SS18: variants seen among roughly 807,000 people sequenced by gnomAD.
SS18 encodes the protein SS18 subunit of BAF chromatin remodeling complex.
Under a neutral mutation model 72.5 loss-of-function variants are expected in SS18, and 28 were observed. The observed-to-expected ratio is 0.39, with a 90% confidence interval of 0.29 to 0.53. SS18 has a LOEUF of 0.53. SS18 is among the 20% of genes least tolerant of loss of function. The pLI is 0.76. For missense variants in SS18, 518 were observed against 535.3 expected, an observed-to-expected ratio of 0.97 and a Z score of 0.32; for synonymous variants, 172 against 164.2, an observed-to-expected ratio of 1.05 and a Z score of -0.37.
At chr18:26,071,991 G>T (rs1318761259) in intron 3 of SS18, among the ~76,000 whole-genome samples, 1 of 152,074 alleles carries the variant, frequency 6.6e-6, no homozygotes, top group Non-Finnish European at 1.5e-5. Context: ...AAGCTAGAAG[G>T]TCATAAATGA....
intron 10 of SS18, among the ~76,000 whole-genome samples, chr18:26,020,582 T>C (rs979656902): frequency 3.9e-5 from 6 of 152,192 alleles, no homozygotes; most frequent in African/African-American, 1.4e-4. Context: ...ATAAATTATA[T>C]CCAAGCAACT....
At chr18:26,073,842 C>A (rs1020674740) in intron 3 of SS18, among the ~76,000 whole-genome samples, 4 of 152,114 alleles carry the variant, frequency 2.6e-5, no homozygotes, top group African/African-American at 9.7e-5. Context: ...GAACTAGGCA[C>A]CGTTTTCACT....
chr18:26,062,947 T>G (rs2054149259), intron 3 of SS18, among the ~76,000 whole-genome samples: 1 of 152,154 alleles, frequency 6.6e-6, no homozygotes, highest in Non-Finnish European at 1.5e-5. Context: ...AAGATACTTC[T>G]CTCAGTAATG....
At chr18:26,044,239 T>C (rs1326307977) in intron 5 of SS18, among the ~76,000 whole-genome samples, 1 of 152,194 alleles carries the variant, frequency 6.6e-6, no homozygotes, top group Non-Finnish European at 1.5e-5. Flanking sequence ...TAGGCTACTA[T>C]ACTTAAGTGA....
intron 5 of SS18, among the ~76,000 whole-genome samples, chr18:26,046,661 T>C (rs1015850543): frequency 6.6e-6 from 1 of 152,244 alleles, no homozygotes; most frequent in Non-Finnish European, 1.5e-5. Context: ...TTGGGTTTCA[T>C]TTCTAGCATT....
intron 1 of SS18, among the ~76,000 whole-genome samples, chr18:26,088,262 T>C (rs1472786624): frequency 6.6e-6 from 1 of 152,204 alleles, no homozygotes; most frequent in Non-Finnish European, 1.5e-5. Context: ...AGAGTCCGAG[T>C]TGGTTTTTCA....
chr18:26,028,200 G>A (rs185073126), intron 10 of SS18, among the ~76,000 whole-genome samples: 77 of 152,158 alleles, frequency 5.1e-4, no homozygotes, highest in African/African-American at 1.8e-3. Flanking sequence ...GAGAGAAGAT[G>A]GTCAACATCA....
chr18:26,058,471 C>T (rs977554937), intron 3 of SS18, among the ~76,000 whole-genome samples: 1 of 152,240 alleles, frequency 6.6e-6, no homozygotes, highest in African/African-American at 2.4e-5. Context: ...GTTAGTTTCG[C>T]TCCAATCCCC....
chr18:26,044,277 A>T (rs897012946), intron 5 of SS18, among the ~76,000 whole-genome samples: 7 of 151,998 alleles, frequency 4.6e-5, no homozygotes, highest in Non-Finnish European at 7.4e-5. Flanking sequence ...AAATATAGTG[A>T]AGTAAGACGT....
chr18:26,070,823 A>T (rs1296091062), intron 3 of SS18, among the ~76,000 whole-genome samples: 1 of 152,200 alleles, frequency 6.6e-6, no homozygotes, highest in Non-Finnish European at 1.5e-5. Flanking sequence ...CATTCTAGAA[A>T]ACTTAAGTAA....
Position 26,034,993 on chromosome 18 carries a change from A to C in SS18, c.1096+12T>G. 6.2e-7 allele frequency: 1 copy of C among 1,612,384 alleles called. No homozygotes were observed. Among genetic ancestry groups the C allele is most frequent in the Non-Finnish European group, 8.5e-7 (1 of 1,178,984 alleles). ...TTTTTTGGTGATAAAAATACACTGT[A>C]CAAAGCTTTACCGTAGCCCTGCTGC... On this transcript the variant is annotated intron_variant, in intron 9 of 10. Transcript: ENST00000415083.
At chr18:26,054,992 G>C (rs1223963256) in intron 4 of SS18, among the ~76,000 whole-genome samples, 1 of 151,854 alleles carries the variant, frequency 6.6e-6, no homozygotes, top group Non-Finnish European at 1.5e-5. Flanking sequence ...ACCCACCTCA[G>C]CCTCCCAAAG....
chr18:26,022,708 A>C (rs8097692), intron 10 of SS18, among the ~76,000 whole-genome samples: 182 of 152,336 alleles, frequency 1.2e-3, no homozygotes, highest in African/African-American at 4.4e-3. Context: ...CCCTACAAGA[A>C]AGATCTGCCT....
chr18:26,064,705 A>G (rs1042867879), intron 3 of SS18: 1 of 152,106 alleles, frequency 6.6e-6, no homozygotes, highest in Admixed American at 6.5e-5. Context: ...AAGAATATAC[A>G]TCACCATTTC....
intron 5 of SS18, among the ~76,000 whole-genome samples, chr18:26,045,490 C>A (rs1005632902): frequency 2.6e-5 from 4 of 152,240 alleles, no homozygotes; most frequent in African/African-American, 7.2e-5. Context: ...ATCTGCTCAC[C>A]ACCCTAAAAT....
intron 7 of SS18, among the ~76,000 whole-genome samples, chr18:26,037,584 G>A (rs1414543178): frequency 6.6e-6 from 1 of 152,054 alleles, no homozygotes; most frequent in African/African-American, 2.4e-5. Context: ...TGACAGGTGA[G>A]ATGTTTTTTC....
chr18:26,083,664 G>A (rs2054568679), intron 2 of SS18, among the ~76,000 whole-genome samples: 2 of 152,122 alleles, frequency 1.3e-5, no homozygotes, highest in Admixed American at 1.3e-4. Flanking sequence ...TAGGAAGATG[G>A]TATTATAATC....
chr18:26,062,695 GA>G (rs1330201891), intron 3 of SS18, among the ~76,000 whole-genome samples: 6 of 152,066 alleles, frequency 3.9e-5, no homozygotes, highest in African/African-American at 9.7e-5. Context: ...GAAAAAAATG[GA>G]AAAAGATATC....
intron 4 of SS18, among the ~76,000 whole-genome samples, chr18:26,056,574 C>T (rs1285127356): frequency 6.6e-6 from 1 of 152,198 alleles, no homozygotes; most frequent in African/African-American, 2.4e-5. Flanking sequence ...GCTACCTTAC[C>T]TCTTTTGCTC....
Sources: gnomAD v4.1 joint callset for allele counts (sites outside exome capture counted in the v4.1 genomes callset) on GRCh38, gnomAD v4.1.1 for gene constraint, MANE v1.5 for transcripts, NCBI Gene and HGNC (gene_info 2026-07-23, HGNC 2026-07-21) for gene names.